CEP43: variants seen among roughly 807,000 people sequenced by gnomAD.
CEP43 encodes FGFR1 oncogene partner.
CEP43 carries 36 observed loss-of-function variants against 52.6 expected under a neutral mutation model. The observed-to-expected ratio is 0.68, with a 90% CI of 0.52 to 0.90. The LOEUF (loss-of-function observed/expected upper bound fraction) is 0.90. Ranked by LOEUF, CEP43 falls within the 40% of genes least tolerant of loss-of-function variation. CEP43 has a pLI of 0.00. For synonymous variants in CEP43, 192 were observed against 172.4 expected (o/e 1.11, Z -0.89); for missense variants, 506 against 472.8 (o/e 1.07, Z -0.65).
rs1022890934 is a variant in CEP43, at chr6:167,007,585, T to G, written c.438+3184T>G. 7.2e-5 allele frequency among the ~76,000 whole-genome samples: 11 copies of G among 151,854 alleles called. No homozygotes were observed. In the East Asian group the frequency reaches 1.9e-3, roughly 27 times the overall value. Reference sequence around the variant, plus strand: ...AGATGTATGTTTTGGCCCTTCATTATTTATTAGTGTTTTCTATTACTTTGG... The same window carrying G: ...AGATGTATGTTTTGGCCCTTCATTAGTTATTAGTGTTTTCTATTACTTTGG... On this transcript the variant is annotated intron_variant, in intron 5 of 12. Transcript: ENST00000366847.
In CEP43 at chr6:167,022,577, A is replaced by T; in HGVS notation, c.748A>T (p.Met250Leu). 1 of 1,614,170 alleles carries T rather than the reference A, an allele frequency of 6.2e-7. No homozygotes were observed. Among genetic ancestry groups the T allele is most frequent in the Non-Finnish European group, 8.5e-7 (1 of 1,180,004 alleles). ...TGGCCTTTGTCCAGATGAAGATGATATGGAAGGAGATTCTTTCTTTGATGA... is the reference window on the plus strand; with the variant it reads ...TGGCCTTTGTCCAGATGAAGATGATTTGGAAGGAGATTCTTTCTTTGATGA... ...KAGLCPDEDDMEGDSFFDDPI... is the reference protein window; with the variant it reads ...KAGLCPDEDDLEGDSFFDDPI... Residue 250 changes from methionine (M) to leucine (L), a missense_variant, in exon 8 of 13, where the codon ATG (methionine) becomes TTG (leucine). Physicochemically the swap from Met to Leu is conservative, Grantham distance 15. Transcript: ENST00000366847.
intron 8 of CEP43, among the ~76,000 whole-genome samples, chr6:167,024,234 G>A (rs1276702067): frequency 6.6e-6 from 1 of 152,148 alleles, no homozygotes; most frequent in Non-Finnish European, 1.5e-5. Flanking sequence ...GATGGAGGAC[G>A]GAGGTTGGAG....
chr6:167,025,425 C>A (rs1035803983), intron 9 of CEP43, among the ~76,000 whole-genome samples: 2 of 152,222 alleles, frequency 1.3e-5, no homozygotes, highest in South Asian at 2.1e-4. Flanking sequence ...CCTCTCCCCA[C>A]ACACAGTGAT....
At chr6:167,001,442 G>A (rs997583697) in intron 2 of CEP43, among the ~76,000 whole-genome samples, 1 of 151,962 alleles carries the variant, frequency 6.6e-6, no homozygotes, top group African/African-American at 2.4e-5. Flanking sequence ...ACCTGGTTTT[G>A]ACCACTCCTT....
chr6:167,030,746 A>C (rs1463223173), intron 10 of CEP43, among the ~76,000 whole-genome samples: 1 of 151,902 alleles, frequency 6.6e-6, no homozygotes, highest in East Asian at 1.9e-4. Context: ...CCTTACTTTC[A>C]TTGTTGCCTC....
At chr6:167,005,820 G>A (rs1177726496) in intron 5 of CEP43, among the ~76,000 whole-genome samples, 1 of 152,198 alleles carries the variant, frequency 6.6e-6, no homozygotes, top group Non-Finnish European at 1.5e-5. Flanking sequence ...CTCGGCTTCT[G>A]TGGCCCTGAA....
chr6:167,032,660 G>A lies in CEP43; in HGVS notation c.1028+18G>A. 1.3e-6 allele frequency: 2 copies of A among 1,554,076 alleles called. No homozygotes were observed. Among genetic ancestry groups the A allele is most frequent in the Non-Finnish European group, 1.8e-6 (2 of 1,141,520 alleles). ...TTTAATAGGTAAGAAAAACTATTGG[G>A]CAAATATATAAATATATACGTTATT... On this transcript the variant is annotated intron_variant, in intron 11 of 12. Transcript: ENST00000366847.
At chr6:166,999,890 C>G in intron 1 of CEP43, 170 bp from the exon 2 acceptor site, 1 of 586,790 alleles carries the variant, frequency 1.7e-6, no homozygotes, top group Non-Finnish European at 3.0e-6. Flanking sequence ...CAGCCGAAGC[C>G]TGGGGGTCGG....
At position 167,047,447 on chromosome 6, in the gene CEP43, T is replaced by C. The variant is rs576937643; in HGVS notation, c.*7469T>C. 2.6e-5 allele frequency: 4 copies of C among 152,352 alleles called. No homozygotes were observed. The highest frequency in any genetic ancestry group is 5.9e-5 in the Non-Finnish European group (4 of 68,054). 9.4% of individuals were successfully genotyped at this position (152,352 alleles called of 1,614,324 possible). On this transcript the variant is annotated 3_prime_UTR_variant, in exon 13 of 13. Coordinates refer to ENST00000366847, the MANE Select transcript of CEP43 (RefSeq NM_007045.4). Reference sequence around the variant, plus strand: ...TCAGTTTTCTCATCTGTAAAGGGGATTAAATACTTCCTTCCCTTACAGGGC... The same window carrying C: ...TCAGTTTTCTCATCTGTAAAGGGGACTAAATACTTCCTTCCCTTACAGGGC...
In CEP43 at chr6:167,051,699, T is replaced by C. The variant is rs1780872447; in HGVS notation, c.*11721T>C. 6.6e-6 allele frequency: 1 copy of C among 152,270 alleles called. No homozygotes were observed. Among genetic ancestry groups the C allele is most frequent in the Non-Finnish European group, 1.5e-5 (1 of 68,040 alleles). 9.4% of individuals were successfully genotyped at this position (152,270 alleles called of 1,614,324 possible). ...ACTGTAAAATACACTATTATCATTG[T>C]AAAATATTCCTTTTTATCTCTAGTA... is the stretch of plus-strand genomic sequence containing the variant. On this transcript the variant is annotated 3_prime_UTR_variant, in exon 13 of 13. Coordinates refer to ENST00000366847, the MANE Select transcript of CEP43 (RefSeq NM_007045.4).
intron 11 of CEP43, 23 bp downstream of exon 11, chr6:167,032,665 T>C: frequency 6.5e-7 from 1 of 1,538,064 alleles, no homozygotes; most frequent in Non-Finnish European, 8.8e-7. Flanking sequence ...ATTGGGCAAA[T>C]ATATAAATAT....
intron 7 of CEP43, among the ~76,000 whole-genome samples, chr6:167,020,953 T>G (rs542051536): frequency 4.1e-4 from 62 of 150,752 alleles, no homozygotes; most frequent in African/African-American, 1.5e-3. Context: ...CTGGGTGTAG[T>G]TTGTGCTTGT....
chr6:167,030,947 A>C (rs947169858), intron 10 of CEP43, among the ~76,000 whole-genome samples: 5 of 151,756 alleles, frequency 3.3e-5, no homozygotes, highest in African/African-American at 4.8e-5. Flanking sequence ...GCTTCTGCCA[A>C]CCCTTCTGAT....
At chr6:167,016,998 T>TTTA (rs1780115889) in intron 7 of CEP43, among the ~76,000 whole-genome samples, 1 of 149,082 alleles carries the variant, frequency 6.7e-6, no homozygotes, top group Non-Finnish European at 1.5e-5. Context: ...TTATTTTTTT[T>TTTA]TTTTTTTATT....
rs1780715088 is a variant in CEP43, at chr6:167,042,214, A to T, written c.*2236A>T. The stretch of plus-strand genomic sequence containing the variant: ...TGTACTTTTTGATTAGGTATTATCA[A>T]CTTATGAAACTTGAAGATGTGAAGT... On this transcript the variant is annotated 3_prime_UTR_variant, in exon 13 of 13. Coordinates refer to ENST00000366847, the MANE Select transcript of CEP43 (RefSeq NM_007045.4). The T allele has an allele frequency of 9.9e-7, 1 of 1,006,406 alleles. No homozygotes were observed. Among genetic ancestry groups the T allele is most frequent in the South Asian group, 4.7e-5 (1 of 21,436 alleles). 62.3% of individuals were successfully genotyped at this position (1,006,406 alleles called of 1,614,324 possible). A position where few individuals can be genotyped will look rare whatever the true frequency, so the allele number is the denominator to read the frequency against.
intron 5 of CEP43, among the ~76,000 whole-genome samples, chr6:167,010,248 T>TGG (rs1294858910): frequency 6.6e-6 from 1 of 152,158 alleles, no homozygotes; most frequent in Non-Finnish European, 1.5e-5. Context: ...CAGAACCCTG[T>TGG]GGTGACAGGG....
At position 167,050,972 on chromosome 6, in the gene CEP43, T is replaced by A. The variant is rs1193917525; in HGVS notation, c.*10994T>A. 1 of 151,994 alleles carries A rather than the reference T, an allele frequency of 6.6e-6. No individual in the cohort carries two copies. The highest frequency in any genetic ancestry group is 2.4e-5 in the African/African-American group (1 of 41,364). The allele number at this position is 151,994 out of a possible 1,614,324, so 9.4% of individuals were successfully genotyped here. A position where few individuals can be genotyped will look rare whatever the true frequency, so the allele number is the denominator to read the frequency against. On this transcript the variant is annotated 3_prime_UTR_variant, in exon 13 of 13. Coordinates refer to ENST00000366847, the MANE Select transcript of CEP43 (RefSeq NM_007045.4). The stretch of plus-strand genomic sequence containing the variant: ...AGTTTTATTATTACTCAAATCAGCC[T>A]CCACAAAAATTTGGAGGCTAGGTCT...
rs1022026277 is a variant in CEP43, at chr6:167,047,189, G to C, written c.*7211G>C. The stretch of plus-strand genomic sequence containing the variant: ...ACCTGAAAAACTGATGGGCTGATGG[G>C]GTCTGCCCATGATTGGCAGCCTTCA... On this transcript the variant is annotated 3_prime_UTR_variant, in exon 13 of 13. Coordinates refer to ENST00000366847, the MANE Select transcript of CEP43 (RefSeq NM_007045.4). 18 of 152,278 alleles carry C rather than the reference G, an allele frequency of 1.2e-4. No individual in the cohort carries two copies. The highest frequency in any genetic ancestry group is 3.9e-4 in the African/African-American group (16 of 41,438). 9.4% of individuals were successfully genotyped at this position (152,278 alleles called of 1,614,324 possible).
chr6:167,028,835 A>G (rs567709199), intron 10 of CEP43, among the ~76,000 whole-genome samples: 42 of 152,348 alleles, frequency 2.8e-4, no homozygotes, highest in Non-Finnish European at 3.7e-4. Flanking sequence ...AATCATTTCA[A>G]TGGGAACATA....
Sources: gnomAD v4.1 joint callset for allele counts (sites outside exome capture counted in the v4.1 genomes callset) on GRCh38, gnomAD v4.1.1 for gene constraint, MANE v1.5 for transcripts, NCBI Gene and HGNC (gene_info 2026-07-23, HGNC 2026-07-21) for gene names.